CSMD3: variants seen among roughly 807,000 people sequenced by gnomAD.
CSMD3 encodes the protein CUB and Sushi multiple domains 3.
A neutral mutation model predicts 435.2 loss-of-function variants in CSMD3; 177 were observed. That is an observed-to-expected ratio of 0.41 (90% confidence interval 0.36 to 0.46). The LOEUF (loss-of-function observed/expected upper bound fraction) is 0.46, where lower values mean the gene tolerates loss of function less well. Among genes scored for constraint, CSMD3 ranks in the 20% least tolerant of loss-of-function variants. The pLI is 0.34. For synonymous variants in CSMD3, 1,656 were observed against 1,520.5 expected (o/e 1.09, Z -2.07); for missense variants, 4,265 against 4,504.6 (o/e 0.95, Z 1.52).
At position 113,135,598 on chromosome 8, in the gene CSMD3, T is replaced by C. The variant is rs563455813; in HGVS notation, c.710-36635A>G. ...AGAGTATGTGTGTTTCTTATCACTA[T>C]ATATTTAAAATATGTATTATTTAAA... On this transcript the variant is annotated intron_variant, in intron 4 of 70. Transcript: ENST00000297405. Among the ~76,000 whole-genome samples, 13 of 151,942 alleles carry C rather than the reference T, an allele frequency of 8.6e-5. 1 individual carries two copies. Among genetic ancestry groups the C allele is most frequent in the African/African-American group, 3.1e-4 (13 of 41,542 alleles).
chr8:113,183,550 T>G (rs1270867949), intron 3 of CSMD3, among the ~76,000 whole-genome samples: 1 of 151,964 alleles, frequency 6.6e-6, no homozygotes, highest in Non-Finnish European at 1.5e-5. Flanking sequence ...CCTTCCATCC[T>G]TAGACTAAGA....
At chr8:112,374,658 A>G (rs1828770544) in intron 38 of CSMD3, among the ~76,000 whole-genome samples, 1 of 152,158 alleles carries the variant, frequency 6.6e-6, no homozygotes, top group African/African-American at 2.4e-5. Flanking sequence ...GAAGTTTTCA[A>G]ATAATAATGT....
intron 1 of CSMD3, among the ~76,000 whole-genome samples, chr8:113,420,713 GGA>G (rs2094605099): frequency 6.6e-6 from 1 of 151,878 alleles, no homozygotes; most frequent in South Asian, 2.1e-4. Flanking sequence ...TTCGGGAGGC[GGA>G]GGCGGATGGA....
At chr8:112,853,996 A>G (rs1000295312) in intron 11 of CSMD3, among the ~76,000 whole-genome samples, 46 of 152,180 alleles carry the variant, frequency 3.0e-4, no homozygotes, top group Non-Finnish European at 1.8e-4. Flanking sequence ...CACCAGGTCT[A>G]GACTGTTTTT....
chr8:113,364,181 T>G (rs544899545), intron 1 of CSMD3, among the ~76,000 whole-genome samples: 5 of 152,252 alleles, frequency 3.3e-5, no homozygotes, highest in Admixed American at 6.5e-5. Context: ...CTTACCAGAG[T>G]TGGCTTTTAA....
intron 4 of CSMD3, among the ~76,000 whole-genome samples, chr8:113,114,829 C>A (rs914941627): frequency 1.3e-5 from 2 of 152,040 alleles, no homozygotes; most frequent in East Asian, 1.9e-4. Context: ...AAAAATCATA[C>A]CCTAATCATC....
chr8:112,364,983 A>C (rs1357012195), intron 38 of CSMD3, among the ~76,000 whole-genome samples: 1 of 152,122 alleles, frequency 6.6e-6, no homozygotes, highest in Non-Finnish European at 1.5e-5. Context: ...TGTTCACAAG[A>C]CTATGTAACC....
chr8:112,557,362 T>G (rs551832699), intron 24 of CSMD3, among the ~76,000 whole-genome samples: 3 of 151,932 alleles, frequency 2.0e-5, no homozygotes, highest in African/African-American at 7.2e-5. Flanking sequence ...AGAGTGAGAG[T>G]ACAGTTTTTG....
intron 13 of CSMD3, among the ~76,000 whole-genome samples, chr8:112,777,327 T>C (rs2078271721): frequency 6.6e-6 from 1 of 151,850 alleles, no homozygotes; most frequent in South Asian, 2.1e-4. Context: ...TTATACTCTA[T>C]TTTATAGCTT....
intron 31 of CSMD3, among the ~76,000 whole-genome samples, chr8:112,486,858 A>C (rs1820186574): frequency 6.6e-6 from 1 of 152,150 alleles, no homozygotes. Flanking sequence ...GGCAAGGACA[A>C]GGTTGAATTC....
intron 12 of CSMD3, among the ~76,000 whole-genome samples, chr8:112,810,558 G>A (rs1021098994): frequency 8.6e-5 from 13 of 152,018 alleles, no homozygotes; most frequent in African/African-American, 3.1e-4. Flanking sequence ...TTGGGCTTAT[G>A]TGAAACCTAT....
At chr8:112,413,914 C>T (rs1415486498) in intron 32 of CSMD3, among the ~76,000 whole-genome samples, 1 of 151,908 alleles carries the variant, frequency 6.6e-6, no homozygotes, top group Non-Finnish European at 1.5e-5. Flanking sequence ...TAGCCAAAAC[C>T]CCCTTCCCTC....
intron 4 of CSMD3, among the ~76,000 whole-genome samples, chr8:113,169,942 T>C (rs913837554): frequency 6.6e-6 from 1 of 152,174 alleles, no homozygotes; most frequent in African/African-American, 2.4e-5. Flanking sequence ...TACTACCAGA[T>C]GGTGTTGATA....
At chr8:112,312,826 C>A (rs1822113203) in intron 49 of CSMD3, among the ~76,000 whole-genome samples, 2 of 152,226 alleles carry the variant, frequency 1.3e-5, no homozygotes, top group South Asian at 2.1e-4. Flanking sequence ...CAAGAGTATA[C>A]TTTTTAGAAC....
At chr8:112,601,445 T>C (rs1240437196) in intron 22 of CSMD3, among the ~76,000 whole-genome samples, 2 of 152,220 alleles carry the variant, frequency 1.3e-5, no homozygotes, top group East Asian at 3.9e-4. Context: ...CAGAGGCGAA[T>C]AAGATACAAA....
chr8:112,499,877 A>G (rs886855894), intron 30 of CSMD3, among the ~76,000 whole-genome samples: 18 of 152,012 alleles, frequency 1.2e-4, no homozygotes, highest in Admixed American at 5.9e-4. Flanking sequence ...CCAGCTCTTG[A>G]GGAGGGCCGG....
At chr8:112,480,237 C>A (rs1819502516) in intron 31 of CSMD3, among the ~76,000 whole-genome samples, 1 of 152,206 alleles carries the variant, frequency 6.6e-6, no homozygotes, top group Admixed American at 6.5e-5. Flanking sequence ...TACCCAATGC[C>A]TGCACTACTA....
At chr8:112,600,611 A>C (rs563055218) in intron 22 of CSMD3, among the ~76,000 whole-genome samples, 350 of 152,330 alleles carry the variant, frequency 2.3e-3, no homozygotes, top group African/African-American at 8.0e-3. Context: ...CGGTCAAACC[A>C]AATTGTAGTG....
intron 21 of CSMD3, among the ~76,000 whole-genome samples, chr8:112,638,295 C>A (rs1386140896): frequency 6.7e-6 from 1 of 149,766 alleles, no homozygotes; most frequent in Non-Finnish European, 1.5e-5. Flanking sequence ...ACACATAAAA[C>A]AAGGAAATCA....
Sources: allele counts gnomAD v4.1 joint callset (sites outside exome capture counted in the v4.1 genomes callset), GRCh38; gene constraint gnomAD v4.1.1; transcripts MANE v1.5; gene names NCBI Gene and HGNC (gene_info 2026-07-23, HGNC 2026-07-21).